Variants in B4GALT1 observed in about 807,000 individuals in gnomAD.
The protein encoded by B4GALT1 is N-acetyllactosamine synthase.
Under a neutral mutation model 34.9 loss-of-function variants are expected in B4GALT1, and 16 were observed. The ratio of observed to expected loss-of-function variants is 0.46; its 90% CI spans 0.31 to 0.70. The LOEUF is 0.70. Ranked by LOEUF, B4GALT1 falls within the 30% of genes least tolerant of loss-of-function variation. The pLI, the probability that B4GALT1 is intolerant of heterozygous loss-of-function variation, is 0.05. For missense variants in B4GALT1, 445 were observed against 530.5 expected (o/e 0.84, Z 1.58); for synonymous variants, 221 against 218.1 (o/e 1.01, Z -0.12).
intron 1 of B4GALT1, among the ~76,000 whole-genome samples, chr9:33,138,649 C>G (rs536481194): frequency 5.3e-5 from 8 of 152,298 alleles, no homozygotes; most frequent in Admixed American, 1.3e-4. Context: ...TCTCTTCTCA[C>G]TCTCCCTATA....
intron 1 of B4GALT1, among the ~76,000 whole-genome samples, chr9:33,160,614 A>T (rs1840659944): frequency 6.6e-6 from 1 of 152,120 alleles, no homozygotes; most frequent in South Asian, 2.1e-4. Flanking sequence ...AAAAAATACA[A>T]AAATTAGTCA....
At chr9:33,170,877 G>A (rs938886907), upstream of B4GALT1, among the ~76,000 whole-genome samples, 9 of 152,172 alleles carry the variant, frequency 5.9e-5, no homozygotes, top group Non-Finnish European at 1.3e-4. Flanking sequence ...AATCCCATCC[G>A]GCGAGACAAA....
chr9:33,161,559 A>G (rs1028063383), intron 1 of B4GALT1, among the ~76,000 whole-genome samples: 9 of 152,096 alleles, frequency 5.9e-5, no homozygotes, highest in African/African-American at 2.2e-4. Context: ...GTCTAATCCC[A>G]TGCCTTGTTA....
chr9:33,131,095 A>C (rs1840188454), intron 2 of B4GALT1, among the ~76,000 whole-genome samples: 1 of 152,094 alleles, frequency 6.6e-6, no homozygotes, highest in Non-Finnish European at 1.5e-5. Context: ...CCAGGACTGA[A>C]CCCAGGCAGT....
intron 2 of B4GALT1, among the ~76,000 whole-genome samples, chr9:33,123,891 C>T (rs1273749667): frequency 6.6e-6 from 1 of 152,152 alleles, no homozygotes; most frequent in Non-Finnish European, 1.5e-5. Context: ...TGGTGAGATG[C>T]CCCAGTGTCC....
intron 1 of B4GALT1, among the ~76,000 whole-genome samples, chr9:33,143,663 T>G (rs979360289): frequency 6.6e-6 from 1 of 152,252 alleles, no homozygotes; most frequent in Non-Finnish European, 1.5e-5. Context: ...TGCAATTCCC[T>G]GGACTACATT....
the B4GALT1 span, among the ~76,000 whole-genome samples, chr9:33,174,976 AAAAAAAAAAAAAAAATATATAT>A: frequency 4.7e-5 from 1 of 21,222 alleles, no homozygotes; most frequent in Non-Finnish European, 1.2e-4. Flanking sequence ...AAAAAAAAAA[AAAAAAAAAAAAAAAATATATAT>A]ATATATATAT....
At chr9:33,161,491 A>G (rs1209963705) in intron 1 of B4GALT1, among the ~76,000 whole-genome samples, 7 of 152,122 alleles carry the variant, frequency 4.6e-5, no homozygotes, top group Admixed American at 2.0e-4. Context: ...TACAATCTTA[A>G]TCGCAGTCTG....
upstream of B4GALT1, among the ~76,000 whole-genome samples, chr9:33,171,511 T>C (rs779812601): frequency 2.0e-5 from 3 of 152,136 alleles, no homozygotes; most frequent in Admixed American, 6.5e-5. Context: ...AACAAGTTTA[T>C]AGGGCAGGCC....
At chr9:33,113,920 T>C (rs1425505930) in intron 4 of B4GALT1, 42 bp from the exon 5 acceptor site, 1 of 1,584,412 alleles carries the variant, frequency 6.3e-7, no homozygotes, top group Admixed American at 1.7e-5. Context: ...AGAGCTGCCA[T>C]ACACTTGGCC....
At chr9:33,135,689 C>T (rs1269491482) in intron 1 of B4GALT1, among the ~76,000 whole-genome samples, 1 of 152,202 alleles carries the variant, frequency 6.6e-6, no homozygotes, top group African/African-American at 2.4e-5. Context: ...TGCCCAGGAC[C>T]CTCCCCGCTC....
chr9:33,104,747 A>G, exon 3 of B4GALT1: 1 of 456,006 alleles, frequency 2.2e-6, no homozygotes, highest in South Asian at 1.5e-5. Flanking sequence ...GACCAGGCGA[A>G]GCCTTCACCA....
At chr9:33,180,688 T>G in the B4GALT1 span, among the ~76,000 whole-genome samples, 1 of 152,168 alleles carries the variant, frequency 6.6e-6, no homozygotes, top group Non-Finnish European at 1.5e-5. Context: ...TCCTAAGAAT[T>G]CAGAGTCTGC....
In B4GALT1 at chr9:33,113,571, T is replaced by G. The variant is rs1322965264; in HGVS notation, c.1080A>C (p.Ala360=). The change falls in exon 6 of 6, where the codon GCA becomes GCC. Residue 360 remains alanine, a synonymous_variant. Coordinates refer to ENST00000379731, the MANE Select transcript of B4GALT1 (RefSeq NM_001497.4). ...EPNPQRFDRI[A]HTKETMLSDG... ...CAGAGAGCATTGTCTCCTTTGTGTG[T>G]GCAATTCGGTCAAACCTACAAGGAA... 6.2e-7 allele frequency: 1 copy of G among 1,614,106 alleles called. No individual in the cohort carries two copies. Among genetic ancestry groups the G allele is most frequent in the Admixed American group, 1.7e-5 (1 of 60,016 alleles).
At chr9:33,120,191 A>C (rs1474597044) in intron 3 of B4GALT1, among the ~76,000 whole-genome samples, 1 of 151,756 alleles carries the variant, frequency 6.6e-6, no homozygotes, top group Non-Finnish European at 1.5e-5. Context: ...CTCAAAAAAC[A>C]AACAAAAAAA....
chr9:33,115,518 T>C (rs1207429816), intron 4 of B4GALT1, among the ~76,000 whole-genome samples: 2 of 152,252 alleles, frequency 1.3e-5, no homozygotes, highest in African/African-American at 4.8e-5. Flanking sequence ...TAATGGTTGC[T>C]GGGGCTGGAT....
At chr9:33,177,297 TC>T in the B4GALT1 span, 1 of 152,236 alleles carries the variant, frequency 6.6e-6, no homozygotes, top group African/African-American at 2.4e-5. Context: ...GTTGTCATCC[TC>T]CTTCCTACCC....
At chr9:33,167,366 G>A, upstream of B4GALT1, 2 of 630,818 alleles carry the variant, frequency 3.2e-6, no homozygotes, top group Middle Eastern at 4.8e-4. Flanking sequence ...CGCCGGCGGA[G>A]AGGGGAGGGG....
chr9:33,135,006 T>C (rs1840245457), intron 2 of B4GALT1, among the ~76,000 whole-genome samples, 183 bp downstream of exon 2: 1 of 152,070 alleles, frequency 6.6e-6, no homozygotes, highest in African/African-American at 2.4e-5. Flanking sequence ...TTGACAGCAA[T>C]AGGCAAGCAC....
Sources: gnomAD v4.1 joint callset for allele counts (sites outside exome capture counted in the v4.1 genomes callset) on GRCh38, gnomAD v4.1.1 for gene constraint, MANE v1.5 for transcripts, NCBI Gene and HGNC (gene_info 2026-07-23, HGNC 2026-07-21) for gene names.